MRTFB: variants seen among roughly 807,000 people sequenced by gnomAD.
The protein encoded by MRTFB is myocardin related transcription factor B.
Under a neutral mutation model 104.2 loss-of-function variants are expected in MRTFB, and 29 were observed. That is an observed-to-expected ratio of 0.28 (90% CI 0.21 to 0.38). The LOEUF (loss-of-function observed/expected upper bound fraction) is 0.38. MRTFB is among the 10% of genes least tolerant of loss of function. The pLI is 1.00. For synonymous variants in MRTFB, 535 were observed against 519.5 expected (o/e 1.03, Z -0.41); for missense variants, 1,270 against 1,341.6 (o/e 0.95, Z 0.83).
At chr16:14,026,366 T>G in the MRTFB span, among the ~76,000 whole-genome samples, 118 of 152,206 alleles carry the variant, frequency 7.8e-4, no homozygotes, top group Middle Eastern at 6.8e-3. Flanking sequence ...TAGCCAAAAA[T>G]ATAAATTTCA....
intron 3 of MRTFB, among the ~76,000 whole-genome samples, chr16:14,190,746 AGT>A (rs1203107813): frequency 2.6e-5 from 4 of 152,252 alleles, no homozygotes; most frequent in African/African-American, 9.6e-5. Flanking sequence ...AACGCAGTCC[AGT>A]GTGGGCAGGA....
intron 3 of MRTFB, among the ~76,000 whole-genome samples, chr16:14,209,146 G>A (rs226780): frequency 0.046 from 6,953 of 152,286 alleles, 428 homozygotes; most frequent in East Asian, 0.29. Flanking sequence ...TGGAGGCCAC[G>A]TGCCTGCGTC....
At chr16:14,056,393 G>T in the MRTFB span, among the ~76,000 whole-genome samples, 22 of 151,698 alleles carry the variant, frequency 1.5e-4, no homozygotes, top group Non-Finnish European at 2.8e-4. Context: ...GGACTCATGG[G>T]TATTTATTCT....
intron 3 of MRTFB, among the ~76,000 whole-genome samples, chr16:14,185,981 C>A (rs1303632765): frequency 6.6e-6 from 1 of 152,158 alleles, no homozygotes; most frequent in Non-Finnish European, 1.5e-5. Context: ...TAAAATTAAA[C>A]TTAGGCTGGT....
intron 2 of MRTFB, among the ~76,000 whole-genome samples, chr16:14,127,006 C>G (rs1393083983): frequency 6.6e-6 from 1 of 152,176 alleles, no homozygotes; most frequent in African/African-American, 2.4e-5. Context: ...TAGTATCTCA[C>G]TTCATTTGCA....
At chr16:14,095,161 A>G (rs2035292023) in intron 2 of MRTFB, among the ~76,000 whole-genome samples, 1 of 152,226 alleles carries the variant, frequency 6.6e-6, no homozygotes, top group African/African-American at 2.4e-5. Context: ...CAGTCCTGCC[A>G]CAGTGTTGTT....
At position 14,228,882 on chromosome 16, in the gene MRTFB, CAGAAA is replaced by C. The variant is rs149682894; in HGVS notation, c.694-5257_694-5253del. On this transcript the variant is annotated intron_variant, in intron 8 of 16. Transcript: ENST00000571589. ...CTTAGAGTAGTAAAAATCATAGAGG[CAGAAA>C]AGAAAATGATGATTGCCTGGGGGTG... Among the ~76,000 whole-genome samples the C allele has an allele frequency of 2.6e-5, 4 of 151,938 alleles. No individual in the cohort carries two copies. The East Asian group carries it at 7.7e-4, about 29-fold the overall frequency.
At chr16:14,146,154 G>T (rs1486894198) in intron 3 of MRTFB, among the ~76,000 whole-genome samples, 7 of 152,168 alleles carry the variant, frequency 4.6e-5, no homozygotes, top group African/African-American at 1.4e-4. Context: ...CTTGAGTCCA[G>T]GTACTTTTAA....
At chr16:14,035,287 C>G in the MRTFB span, among the ~76,000 whole-genome samples, 5 of 152,204 alleles carry the variant, frequency 3.3e-5, no homozygotes, top group African/African-American at 1.2e-4. Context: ...CAGAGAGGCA[C>G]AGCCAGGAGG....
intron 2 of MRTFB, among the ~76,000 whole-genome samples, chr16:14,132,862 G>C (rs1397689503): frequency 6.6e-6 from 1 of 152,164 alleles, no homozygotes; most frequent in East Asian, 1.9e-4. Context: ...ATGTAGTTCT[G>C]TTCTGACTAA....
rs779008097 is a variant in MRTFB at position 14,249,066 on chromosome 16, TCAA to T, written c.2392_2394del (p.Gln798del). The T allele has an allele frequency of 6.8e-6, 11 of 1,613,964 alleles. No individual in the cohort carries two copies. Among genetic ancestry groups the T allele is most frequent in the Non-Finnish European group, 8.5e-6 (10 of 1,179,956 alleles). On this transcript the variant is annotated inframe_deletion, in exon 13 of 17. Coordinates refer to ENST00000571589, the MANE Select transcript of MRTFB (RefSeq NM_001308142.2). ...TCCCGCAGCATGTGCTCAGTCAGCC[TCAA>T]CAAGTCAGAAAGGTTTGTAAATGCC...
intron 8 of MRTFB, among the ~76,000 whole-genome samples, chr16:14,227,431 T>C (rs754803908): frequency 1.3e-5 from 2 of 152,228 alleles, no homozygotes; most frequent in Admixed American, 6.5e-5. Flanking sequence ...CAGATGCACA[T>C]GCTGGTGCCA....
intron 3 of MRTFB, among the ~76,000 whole-genome samples, chr16:14,178,088 G>A (rs1383881744): frequency 6.6e-6 from 1 of 152,154 alleles, no homozygotes; most frequent in Non-Finnish European, 1.5e-5. Flanking sequence ...TATGCACAAA[G>A]GATCCTAGTG....
upstream of MRTFB, among the ~76,000 whole-genome samples, chr16:14,070,821 A>G (rs183282168): frequency 6.6e-6 from 1 of 152,362 alleles, no homozygotes; most frequent in Non-Finnish European, 1.5e-5. Context: ...AGATCCCAAC[A>G]CTGGCTCAGC....
At chr16:14,188,913 T>G (rs958169596) in intron 3 of MRTFB, among the ~76,000 whole-genome samples, 1 of 152,236 alleles carries the variant, frequency 6.6e-6, no homozygotes, top group African/African-American at 2.4e-5. Context: ...TTTTGTTAAA[T>G]TCGTTGATAT....
chr16:14,154,070 T>C (rs1271726517), intron 3 of MRTFB, among the ~76,000 whole-genome samples: 1 of 152,232 alleles, frequency 6.6e-6, no homozygotes, highest in Non-Finnish European at 1.5e-5. Flanking sequence ...TTGTGGCTCA[T>C]GCCTGTAATT....
Position 14,240,989 on chromosome 16 carries a change from T to C in MRTFB, c.1079+505T>C, listed in dbSNP as rs1597353301. On this transcript the variant is annotated intron_variant, in intron 10 of 16. Coordinates refer to ENST00000571589, the MANE Select transcript of MRTFB (RefSeq NM_001308142.2). ...GAATAGAGTAAGTAGTGCCTCTTCATTGGAAGGTGAGAAAAATTGCCTAAA... is the reference window on the plus strand; with the variant it reads ...GAATAGAGTAAGTAGTGCCTCTTCACTGGAAGGTGAGAAAAATTGCCTAAA... The C allele has an allele frequency of 9.9e-6, 5 of 506,458 alleles. No individual in the cohort carries two copies. The Admixed American group carries it at 1.1e-4, about 11-fold the overall frequency. 31.4% of individuals were successfully genotyped at this position (506,458 alleles called of 1,614,324 possible). A position where few individuals can be genotyped will look rare whatever the true frequency, so the allele number is the denominator to read the frequency against.
chr16:14,008,944 G>GTATTTATTTATTTATTTATTTATTTATT, the MRTFB span, among the ~76,000 whole-genome samples: 60 of 149,758 alleles, frequency 4.0e-4, no homozygotes, highest in South Asian at 6.1e-3. Context: ...AAAATTTTAT[G>GTATTTATTTATTTATTTATTTATTTATT]TATTTATTTA....
intron 2 of MRTFB, among the ~76,000 whole-genome samples, chr16:14,091,948 T>C (rs1223314595): frequency 2.3e-5 from 3 of 129,438 alleles, no homozygotes; most frequent in Non-Finnish European, 3.1e-5. Context: ...TGAGCCGAGA[T>C]CATGCCACTG....
Sources: allele counts gnomAD v4.1 joint callset (sites outside exome capture counted in the v4.1 genomes callset), GRCh38; gene constraint gnomAD v4.1.1; transcripts MANE v1.5; gene names NCBI Gene and HGNC (gene_info 2026-07-23, HGNC 2026-07-21).